The following MAML3 variants were observed in gnomAD, a reference collection of about 807,000 sequenced individuals.
MAML3 encodes the protein mastermind-like protein 3.
Under a neutral mutation model 101.9 loss-of-function variants are expected in MAML3, and 27 were observed. The ratio of observed to expected loss-of-function variants is 0.27; its 90% confidence interval spans 0.20 to 0.37. The LOEUF is 0.37. Among genes scored for constraint, MAML3 ranks in the 10% least tolerant of loss-of-function variants. MAML3 has a pLI of 1.00. For synonymous variants in MAML3, 501 were observed against 555.9 expected (o/e 0.90, Z 1.39); for missense variants, 1,316 against 1,444.9 (o/e 0.91, Z 1.45).
intron 1 of MAML3, among the ~76,000 whole-genome samples, chr4:140,007,469 C>T (rs1353126326): frequency 1.3e-5 from 2 of 152,056 alleles, no homozygotes; most frequent in East Asian, 1.9e-4. Flanking sequence ...CGAAAGGAGA[C>T]GTTTCTGTAT....
At chr4:139,972,236 A>G (rs1178260977) in intron 1 of MAML3, among the ~76,000 whole-genome samples, 4 of 152,140 alleles carry the variant, frequency 2.6e-5, no homozygotes, top group African/African-American at 7.2e-5. Flanking sequence ...ACTCTCCACA[A>G]AATGTTAAAT....
intron 2 of MAML3, among the ~76,000 whole-genome samples, chr4:139,875,350 C>T (rs958473710): frequency 6.6e-5 from 10 of 152,272 alleles, no homozygotes; most frequent in East Asian, 1.9e-4. Context: ...GCTGCAAAAA[C>T]GGAGAGAACT....
At chr4:140,149,424 C>T (rs562708680) in intron 1 of MAML3, among the ~76,000 whole-genome samples, 1 of 152,320 alleles carries the variant, frequency 6.6e-6, no homozygotes, top group African/African-American at 2.4e-5. Flanking sequence ...ACCCCTCACC[C>T]ACTCTGCTTT....
chr4:139,798,090 A>G (rs1387484502), intron 2 of MAML3, among the ~76,000 whole-genome samples: 1 of 131,674 alleles, frequency 7.6e-6, no homozygotes, highest in Non-Finnish European at 1.7e-5. Context: ...GAAAGAAAGA[A>G]AGAAAAGGGA....
chr4:139,752,506 G>A (rs553206033), intron 2 of MAML3, among the ~76,000 whole-genome samples: 36 of 152,220 alleles, frequency 2.4e-4, no homozygotes, highest in East Asian at 1.7e-3. Context: ...ACTCCCCACC[G>A]TCTTCTTTGG....
chr4:139,884,673 TC>T (rs1380923894), intron 2 of MAML3, among the ~76,000 whole-genome samples: 1 of 152,258 alleles, frequency 6.6e-6, no homozygotes, highest in African/African-American at 2.4e-5. Context: ...TCACTGTTGT[TC>T]CGCTGGTTCA....
chr4:140,127,154 CCT>C (rs1728697776), intron 1 of MAML3, among the ~76,000 whole-genome samples: 1 of 152,208 alleles, frequency 6.6e-6, no homozygotes, highest in African/African-American at 2.4e-5. Flanking sequence ...TAATGCCTTG[CCT>C]CTCTCACCAG....
intron 1 of MAML3, among the ~76,000 whole-genome samples, chr4:140,052,727 G>T (rs1560878332): frequency 6.6e-6 from 1 of 151,960 alleles, no homozygotes; most frequent in Non-Finnish European, 1.5e-5. Flanking sequence ...TAGAGACAGA[G>T]TTTCACCATG....
chr4:139,777,254 G>A (rs1166216395), intron 2 of MAML3, among the ~76,000 whole-genome samples: 2 of 152,118 alleles, frequency 1.3e-5, no homozygotes, highest in African/African-American at 4.8e-5. Flanking sequence ...TAGAATTTCC[G>A]GTTCTTTGCT....
At chr4:140,016,003 G>C (rs936071842) in intron 1 of MAML3, among the ~76,000 whole-genome samples, 2 of 151,996 alleles carry the variant, frequency 1.3e-5, no homozygotes, top group Admixed American at 6.6e-5. Flanking sequence ...ATTGGTTCCT[G>C]TTTATGAATG....
At chr4:139,951,572 G>A (rs1560846894) in intron 1 of MAML3, among the ~76,000 whole-genome samples, 1 of 152,244 alleles carries the variant, frequency 6.6e-6, no homozygotes, top group East Asian at 1.9e-4. Context: ...CTGTGGAGGA[G>A]GGAGCCATTC....
intron 1 of MAML3, among the ~76,000 whole-genome samples, chr4:140,006,780 C>T (rs1042771616): frequency 6.6e-5 from 10 of 151,792 alleles, no homozygotes; most frequent in Admixed American, 2.0e-4. Flanking sequence ...ATTCTATAGT[C>T]GTCTATCAAA....
At chr4:139,743,634 C>A (rs1729230346) in intron 2 of MAML3, among the ~76,000 whole-genome samples, 1 of 152,168 alleles carries the variant, frequency 6.6e-6, no homozygotes, top group Admixed American at 6.5e-5. Flanking sequence ...AACTTGAAAT[C>A]TGTCTCAGAT....
rs747370492 is a variant in MAML3, at chr4:139,719,338, C to A, written c.3402G>T (p.Leu1134Phe). The change falls in exon 5 of 5, where the codon TTG becomes TTT. Residue 1134 changes from leucine to phenylalanine, a missense_variant. Transcript: ENST00000509479. ...GDEWMQELDE[L>F]FGNP Reference sequence around the variant, plus strand: ...CCTCTCTTGATTAGGGGTTACCAAACAATTCATCAAGCTCCTGCATCCACT... The same window carrying A: ...CCTCTCTTGATTAGGGGTTACCAAAAAATTCATCAAGCTCCTGCATCCACT... The A allele has an allele frequency of 1.3e-6, 2 of 1,591,912 alleles. No individual in the cohort carries two copies. Among genetic ancestry groups the A allele is most frequent in the South Asian group, 1.1e-5 (1 of 88,218 alleles).
chr4:139,975,961 A>C (rs1734331928), intron 1 of MAML3, among the ~76,000 whole-genome samples: 3 of 152,270 alleles, frequency 2.0e-5, no homozygotes, highest in Admixed American at 2.0e-4. Flanking sequence ...CTGAAAATGT[A>C]CTGAAAATAA....
rs527448265 is a variant in MAML3, at chr4:139,942,607, C to T, written c.469-51640G>A. Among the ~76,000 whole-genome samples the T allele has an allele frequency of 5.3e-5, 8 of 152,126 alleles. No individual in the cohort carries two copies. In the East Asian group the frequency reaches 1.4e-3, roughly 26 times the overall value. Reference sequence around the variant, plus strand: ...TCATCAGAAAGATGATTTAAATCAACCTTCAAGAAGATATAATTTCATTAC... The same window carrying T: ...TCATCAGAAAGATGATTTAAATCAATCTTCAAGAAGATATAATTTCATTAC... On this transcript the variant is annotated intron_variant, in intron 1 of 4. Transcript: ENST00000509479.
At chr4:140,116,738 T>C (rs1221015060) in intron 1 of MAML3, among the ~76,000 whole-genome samples, 2 of 152,200 alleles carry the variant, frequency 1.3e-5, no homozygotes, top group Non-Finnish European at 2.9e-5. Context: ...AGCAGGTTTT[T>C]AGAAAGCTAA....
At chr4:140,020,280 C>A (rs1469623448) in intron 1 of MAML3, among the ~76,000 whole-genome samples, 1 of 152,036 alleles carries the variant, frequency 6.6e-6, no homozygotes, top group African/African-American at 2.4e-5. Context: ...ACAAAAGACT[C>A]TTTTTCTAGG....
chr4:139,829,420 C>T (rs1731123988), intron 2 of MAML3, among the ~76,000 whole-genome samples: 1 of 152,080 alleles, frequency 6.6e-6, no homozygotes, highest in African/African-American at 2.4e-5. Context: ...CATGAAGAGC[C>T]TGTGTTTGAG....
Sources: gnomAD v4.1 joint callset for allele counts (sites outside exome capture counted in the v4.1 genomes callset) on GRCh38, gnomAD v4.1.1 for gene constraint, MANE v1.5 for transcripts, NCBI Gene and HGNC (gene_info 2026-07-23, HGNC 2026-07-21) for gene names.